The following NECTIN2 variants were observed in gnomAD, a reference collection of about 807,000 sequenced individuals.
NECTIN2 encodes the protein nectin-2.
A neutral mutation model predicts 56.9 loss-of-function variants in NECTIN2; 23 were observed. The observed-to-expected ratio is 0.40, with a 90% CI of 0.29 to 0.57. The LOEUF (loss-of-function observed/expected upper bound fraction) is 0.57. Ranked by LOEUF, NECTIN2 falls within the 20% of genes least tolerant of loss-of-function variation. NECTIN2 has a pLI of 0.38. For missense variants in NECTIN2, 587 were observed against 718.3 expected (o/e 0.82, Z 2.09); for synonymous variants, 302 against 313.8 (o/e 0.96, Z 0.40).
At chr19:44,879,001 C>A in intron 5 of NECTIN2, 3 of 855,914 alleles carry the variant, frequency 3.5e-6, no homozygotes, top group Non-Finnish European at 4.3e-6. Flanking sequence ...GAGGGTGGGA[C>A]AGGGACTCCT....
At chr19:44,872,191 TACACTGGCTTCTCTAAA>T (rs753556444) in intron 3 of NECTIN2, 42 bp downstream of exon 3, 3 of 1,590,162 alleles carry the variant, frequency 1.9e-6, no homozygotes, top group Non-Finnish European at 2.6e-6. Context: ...CAAAACTGCC[TACACTGGCTTCTCTAAA>T]GCACTGTCTA....
At position 44,875,109 on chromosome 19, in the gene NECTIN2, G is replaced by A. The variant is rs1408980528; in HGVS notation, c.1042+631G>A. Among the ~76,000 whole-genome samples, 1 of 152,140 alleles carries A rather than the reference G, an allele frequency of 6.6e-6. No individual in the cohort carries two copies. The highest frequency in any genetic ancestry group is 2.4e-5 in the African/African-American group (1 of 41,440). ...CACAGCCACAGACACTCCCTGTGCT[G>A]AGAAATTCTGTTGCAGAGATGCATC... On this transcript the variant is annotated intron_variant, in intron 5 of 8. Transcript: ENST00000252483. The surrounding 1 kb of genome is among the most constrained non-coding windows in gnomAD (Gnocchi z 4.2).
chr19:44,866,954 C>T (rs1438950386), intron 2 of NECTIN2, among the ~76,000 whole-genome samples: 1 of 152,108 alleles, frequency 6.6e-6, no homozygotes, highest in Non-Finnish European at 1.5e-5. Context: ...GGGAGGATCC[C>T]TTGAGCCTAG....
chr19:44,855,066 C>T (rs1261704157), intron 1 of NECTIN2, among the ~76,000 whole-genome samples: 6 of 147,636 alleles, frequency 4.1e-5, no homozygotes, highest in Non-Finnish European at 6.0e-5. Flanking sequence ...TGCAGTGAGC[C>T]GAGATCGCGC....
At chr19:44,857,699 G>GTTT (rs1279237920) in intron 1 of NECTIN2, among the ~76,000 whole-genome samples, 2 of 125,254 alleles carry the variant, frequency 1.6e-5, no homozygotes, top group Non-Finnish European at 3.5e-5. Flanking sequence ...ATCGTGCCGG[G>GTTT]TTTTTGTTTT....
chr19:44,855,887 G>A (rs528952697), intron 1 of NECTIN2, among the ~76,000 whole-genome samples: 2 of 152,330 alleles, frequency 1.3e-5, no homozygotes, highest in South Asian at 4.1e-4. Context: ...TGTTTGTTGA[G>A]TAACTATTTG....
chr19:44,876,495 T>C (rs866753861), intron 5 of NECTIN2, among the ~76,000 whole-genome samples: 4 of 152,020 alleles, frequency 2.6e-5, no homozygotes, highest in African/African-American at 7.3e-5. Flanking sequence ...CTTCAGATAA[T>C]GCCTGCAGAA....
In NECTIN2 at chr19:44,874,545, A is replaced by T; in HGVS notation, c.1042+67A>T. On this transcript the variant is annotated intron_variant, in intron 5 of 8. Coordinates refer to ENST00000252483, the MANE Select transcript of NECTIN2 (RefSeq NM_001042724.2). This position sits in a 1 kb window ranked among gnomAD's most constrained non-coding sequence, Gnocchi z 6.3. ...CTCCCCTGGAGTTCTGCCCTTCAGG[A>T]CTTGGGGCTGCACTGGGGGAGGCTG... 6.3e-7 allele frequency: 1 copy of T among 1,586,306 alleles called. No individual in the cohort carries two copies. The highest frequency in any genetic ancestry group is 8.6e-7 in the Non-Finnish European group (1 of 1,166,904).
intron 1 of NECTIN2, among the ~76,000 whole-genome samples, chr19:44,856,398 G>A (rs1470312778): frequency 1.3e-5 from 2 of 152,126 alleles, no homozygotes; most frequent in African/African-American, 4.8e-5. Flanking sequence ...TCATTTTGCT[G>A]TCTGGTCATC....
At chr19:44,854,973 C>T (rs1968946971) in intron 1 of NECTIN2, among the ~76,000 whole-genome samples, 1 of 147,882 alleles carries the variant, frequency 6.8e-6, no homozygotes, top group Non-Finnish European at 1.5e-5. Flanking sequence ...AAAAAATTAG[C>T]CGGGCGTCGT....
At chr19:44,857,454 T>G (rs1599910520) in intron 1 of NECTIN2, among the ~76,000 whole-genome samples, 1 of 150,352 alleles carries the variant, frequency 6.7e-6, no homozygotes, top group Non-Finnish European at 1.5e-5. Flanking sequence ...CAGGCTGGAG[T>G]GTAGTGGCAC....
intron 5 of NECTIN2, among the ~76,000 whole-genome samples, chr19:44,876,858 G>T (rs2122696794): frequency 6.6e-6 from 1 of 152,268 alleles, no homozygotes. Flanking sequence ...TGGGATTACA[G>T]GTATGAGCCA....
intron 1 of NECTIN2, 71 bp downstream of exon 1, chr19:44,846,684 C>T (rs1968838886): frequency 3.4e-6 from 5 of 1,472,624 alleles, no homozygotes. Context: ...CTGGGGAAGC[C>T]GAGCACCTTC....
intron 5 of NECTIN2, among the ~76,000 whole-genome samples, chr19:44,876,978 T>C (rs1441260883): frequency 6.6e-6 from 1 of 152,120 alleles, no homozygotes; most frequent in Non-Finnish European, 1.5e-5. Context: ...CCTCCCAAGA[T>C]AGGCTCAACC....
chr19:44,882,676 A>T (rs1969320456), intron 6 of NECTIN2, among the ~76,000 whole-genome samples: 1 of 128,610 alleles, frequency 7.8e-6, no homozygotes. Flanking sequence ...ACATAGGAAG[A>T]CTACCCCCAT....
rs1314461913 is a variant in NECTIN2 at position 44,865,790 on chromosome 19, A to G, written c.478+130A>G. ...TCTCTGTGGGTTTCCATCCATCAGCAAATGTTCATTAAGCACCTACCGCGT... is the reference window on the plus strand; with the variant it reads ...TCTCTGTGGGTTTCCATCCATCAGCGAATGTTCATTAAGCACCTACCGCGT... On this transcript the variant is annotated intron_variant, in intron 2 of 8. Transcript: ENST00000252483. This position sits in a 1 kb window ranked among gnomAD's most constrained non-coding sequence, Gnocchi z 5.2. The G allele has an allele frequency of 3.6e-6, 4 of 1,109,214 alleles. No individual in the cohort carries two copies. Among genetic ancestry groups the G allele is most frequent in the Non-Finnish European group, 5.0e-6 (4 of 807,330 alleles). The allele number at this position is 1,109,214 out of a possible 1,614,324, so 68.7% of individuals were successfully genotyped here.
intron 5 of NECTIN2, chr19:44,878,825 A>T: frequency 7.2e-7 from 1 of 1,381,096 alleles, no homozygotes; most frequent in Non-Finnish European, 9.3e-7. Context: ...GAGCCCGGGG[A>T]GCTGAGTAGT....
intron 1 of NECTIN2, among the ~76,000 whole-genome samples, chr19:44,864,048 G>C (rs1388205360): frequency 6.6e-6 from 1 of 151,224 alleles, no homozygotes; most frequent in Non-Finnish European, 1.5e-5. Context: ...GAAAATTTTG[G>C]GGTGGGCTGG....
chr19:44,879,123 A>G (rs1969279038), intron 5 of NECTIN2, among the ~76,000 whole-genome samples: 1 of 152,054 alleles, frequency 6.6e-6, no homozygotes, highest in Non-Finnish European at 1.5e-5. Context: ...TGAAAGACGC[A>G]TTGGATGGCC....
Sources: gnomAD v4.1 joint callset for allele counts (sites outside exome capture counted in the v4.1 genomes callset) on GRCh38, gnomAD v4.1.1 for gene constraint, Gnocchi (gnomAD v3.1) non-coding constraint, MANE v1.5 for transcripts, NCBI Gene and HGNC (gene_info 2026-07-23, HGNC 2026-07-21) for gene names.